Variants in KLHL1 observed in about 807,000 individuals in gnomAD.
The protein encoded by KLHL1 is kelch-like protein 1.
In KLHL1, 47 loss-of-function variants were observed where a neutral mutation model predicts 77.7. The ratio of observed to expected loss-of-function variants is 0.60; its 90% CI spans 0.48 to 0.77. The LOEUF is 0.77. Among genes scored for constraint, KLHL1 ranks in the 30% least tolerant of loss-of-function variants. The pLI is 0.00. For missense variants in KLHL1, 925 were observed against 910.8 expected (o/e 1.02, Z -0.20); for synonymous variants, 360 against 325.2 (o/e 1.11, Z -1.15).
chr13:69,790,983 CAT>C (rs1876845833), intron 7 of KLHL1, among the ~76,000 whole-genome samples: 1 of 151,934 alleles, frequency 6.6e-6, no homozygotes, highest in Non-Finnish European at 1.5e-5. Flanking sequence ...AAAGGAGAAA[CAT>C]ATTTAATAGT....
intron 3 of KLHL1, among the ~76,000 whole-genome samples, chr13:69,955,696 G>C (rs1352311462): frequency 6.6e-6 from 1 of 150,574 alleles, no homozygotes; most frequent in Admixed American, 6.7e-5. Context: ...AAAATATAGT[G>C]AACCTCAGTG....
chr13:69,939,380 C>CATAT (rs1883293665), intron 4 of KLHL1, among the ~76,000 whole-genome samples: 2 of 56,484 alleles, frequency 3.5e-5, no homozygotes, highest in African/African-American at 1.4e-4. Context: ...TATATATATA[C>CATAT]ACACACACAC....
intron 4 of KLHL1, among the ~76,000 whole-genome samples, chr13:69,890,680 C>T (rs1299673680): frequency 6.6e-6 from 1 of 151,552 alleles, no homozygotes; most frequent in African/African-American, 2.4e-5. Context: ...ATATGTATCT[C>T]CTTGTAAAGG....
At chr13:70,027,784 T>G (rs1885993095) in intron 1 of KLHL1, among the ~76,000 whole-genome samples, 1 of 152,046 alleles carries the variant, frequency 6.6e-6, no homozygotes, top group South Asian at 2.1e-4. Context: ...TTTGGGGATT[T>G]ATTAAGTAGC....
At chr13:70,040,432 C>A (rs1886347800) in intron 1 of KLHL1, among the ~76,000 whole-genome samples, 1 of 152,140 alleles carries the variant, frequency 6.6e-6, no homozygotes, top group Non-Finnish European at 1.5e-5. Flanking sequence ...AATAAACCTG[C>A]ACATGTACCT....
At chr13:69,942,594 T>G (rs1883400646) in intron 3 of KLHL1, among the ~76,000 whole-genome samples, 1 of 152,086 alleles carries the variant, frequency 6.6e-6, no homozygotes, top group Non-Finnish European at 1.5e-5. Context: ...CTGAAATTTT[T>G]TAAACCTATA....
intron 3 of KLHL1, among the ~76,000 whole-genome samples, chr13:69,954,973 A>G (rs1883823784): frequency 6.6e-6 from 1 of 151,260 alleles, no homozygotes; most frequent in African/African-American, 2.4e-5. Flanking sequence ...ACACCCTCTG[A>G]AAATTGCTTA....
At chr13:69,761,912 A>G (rs774470862) in intron 7 of KLHL1, among the ~76,000 whole-genome samples, 4 of 152,180 alleles carry the variant, frequency 2.6e-5, no homozygotes, top group Non-Finnish European at 5.9e-5. Context: ...CTAAATTGCT[A>G]AGATGGTTTA....
intron 8 of KLHL1, among the ~76,000 whole-genome samples, chr13:69,735,989 TAA>T (rs1873745698): frequency 1.3e-5 from 2 of 152,202 alleles, no homozygotes; most frequent in African/African-American, 4.8e-5. Flanking sequence ...TATACAGTGT[TAA>T]GTCACTTTTT....
chr13:70,013,130 C>G (rs1339858174), intron 1 of KLHL1, among the ~76,000 whole-genome samples: 1 of 151,844 alleles, frequency 6.6e-6, no homozygotes, highest in African/African-American at 2.4e-5. Flanking sequence ...TTCTGGCACT[C>G]TATTTATTTA....
intron 1 of KLHL1, among the ~76,000 whole-genome samples, chr13:70,038,853 A>T (rs537105875): frequency 6.6e-6 from 1 of 152,054 alleles, no homozygotes; most frequent in South Asian, 2.1e-4. Flanking sequence ...GGCCTCCCAT[A>T]GTGCTGGGAT....
chr13:69,718,538 T>C, intron 9 of KLHL1, among the ~76,000 whole-genome samples: 1 of 152,124 alleles, frequency 6.6e-6, no homozygotes, highest in East Asian at 1.9e-4. Flanking sequence ...GAGTTACTTA[T>C]ACCAATTGAT....
chr13:69,999,511 C>T (rs1885234874), intron 1 of KLHL1, among the ~76,000 whole-genome samples: 1 of 152,040 alleles, frequency 6.6e-6, no homozygotes, highest in Admixed American at 6.6e-5. Context: ...TATAAACTTT[C>T]CCTTCTGCAT....
intron 9 of KLHL1, among the ~76,000 whole-genome samples, chr13:69,719,126 A>C (rs1872910892): frequency 6.6e-6 from 1 of 152,026 alleles, no homozygotes; most frequent in South Asian, 2.1e-4. Context: ...GATTTAAATA[A>C]ATATTAGTTG....
intron 10 of KLHL1, among the ~76,000 whole-genome samples, chr13:69,707,380 G>A (rs866258769): frequency 1.3e-5 from 2 of 151,732 alleles, no homozygotes; most frequent in South Asian, 2.1e-4. Context: ...TCTTGTTGTG[G>A]AAAATGAAAA....
At chr13:69,719,193 TGTGTGTGTGTGTGTGTGA>T (rs1364603098) in intron 9 of KLHL1, among the ~76,000 whole-genome samples, 158 bp downstream of exon 9, 24 of 36,684 alleles carry the variant, frequency 6.5e-4, no homozygotes, top group Middle Eastern at 0.033. Flanking sequence ...CGTGTGTGTG[TGTGTGTGTGTGTGTGTGA>T]GAGAGAGAGA....
At chr13:69,913,695 A>G (rs1882319327) in intron 4 of KLHL1, among the ~76,000 whole-genome samples, 1 of 152,234 alleles carries the variant, frequency 6.6e-6, no homozygotes, top group Admixed American at 6.5e-5. Context: ...TGCTTGTTCA[A>G]TGAAATTCAA....
intron 4 of KLHL1, among the ~76,000 whole-genome samples, chr13:69,927,014 G>T: frequency 7.2e-6 from 1 of 138,332 alleles, no homozygotes; most frequent in South Asian, 2.5e-4. Flanking sequence ...TCACCAATTT[G>T]ATTTACAGTA....
chr13:69,808,705 A>G (rs1877730414), intron 6 of KLHL1, among the ~76,000 whole-genome samples: 1 of 152,164 alleles, frequency 6.6e-6, no homozygotes, highest in South Asian at 2.1e-4. Flanking sequence ...CTTCCAAGCA[A>G]TGGATCCTAA....
Sources: gnomAD v4.1 joint callset for allele counts (sites outside exome capture counted in the v4.1 genomes callset) on GRCh38, gnomAD v4.1.1 for gene constraint, MANE v1.5 for transcripts, NCBI Gene and HGNC (gene_info 2026-07-23, HGNC 2026-07-21) for gene names.